The following KRT8 variants were observed in gnomAD, a reference collection of about 807,000 sequenced individuals.
The protein encoded by KRT8 is keratin 8, also known as keratin, type II cytoskeletal 8.
In KRT8, 24 loss-of-function variants were observed where a neutral mutation model predicts 43.0. The ratio of observed to expected loss-of-function variants is 0.56; its 90% CI spans 0.40 to 0.78. KRT8 has a LOEUF of 0.78. KRT8 is among the 30% of genes least tolerant of loss of function. The probability of loss-of-function intolerance (pLI) is 0.00; values close to 1 mark genes in which losing one functional copy is unlikely to be tolerated. For synonymous variants in KRT8, 214 were observed against 261.2 expected, an observed-to-expected ratio of 0.82 and a Z score of 1.74; for missense variants, 492 against 638.4, an observed-to-expected ratio of 0.77 and a Z score of 2.47.
chr12:52,931,787 T>C (rs1375619107), intron 2 of KRT8, among the ~76,000 whole-genome samples: 7 of 152,000 alleles, frequency 4.6e-5, no homozygotes, highest in African/African-American at 1.7e-4. Context: ...CTCAGCCTCC[T>C]GAGTAGCTGG....
chr12:52,925,219 G>A (rs928067359), intron 2 of KRT8, among the ~76,000 whole-genome samples: 11 of 152,186 alleles, frequency 7.2e-5, no homozygotes, highest in Admixed American at 1.3e-4. Flanking sequence ...GGTCAGGACC[G>A]GGAGGAATGC....
intron 2 of KRT8, among the ~76,000 whole-genome samples, chr12:52,920,657 G>A (rs556013598): frequency 5.3e-5 from 8 of 152,268 alleles, no homozygotes; most frequent in South Asian, 2.1e-4. Flanking sequence ...GTTGTTGACC[G>A]TCACATCCAC....
At chr12:52,936,923 A>G (rs576572916) in intron 2 of KRT8, among the ~76,000 whole-genome samples, 1 of 152,356 alleles carries the variant, frequency 6.6e-6, no homozygotes, top group Admixed American at 6.5e-5. Flanking sequence ...TAAGAGAATG[A>G]AAAGATAGCC....
At chr12:52,932,287 C>T (rs1942097299) in intron 2 of KRT8, among the ~76,000 whole-genome samples, 1 of 151,904 alleles carries the variant, frequency 6.6e-6, no homozygotes, top group Non-Finnish European at 1.5e-5. Context: ...CAGGGTTTCA[C>T]CATCTTGGCT....
chr12:52,900,866 G>A (rs528566187), intron 3 of KRT8, 183 bp from the exon 4 acceptor site: 2 of 649,898 alleles, frequency 3.1e-6, no homozygotes, highest in East Asian at 2.7e-5. Context: ...CTTCACCTCT[G>A]CTTCCTGCAA....
intron 2 of KRT8, among the ~76,000 whole-genome samples, chr12:52,942,528 T>C (rs1942283581): frequency 6.6e-6 from 1 of 152,224 alleles, no homozygotes; most frequent in Admixed American, 6.5e-5. Flanking sequence ...CTCACGCTCC[T>C]GTGCTTTCTC....
At chr12:52,936,323 G>C (rs908766339) in intron 2 of KRT8, among the ~76,000 whole-genome samples, 4 of 152,016 alleles carry the variant, frequency 2.6e-5, no homozygotes, top group Non-Finnish European at 2.9e-5. Context: ...AAGATTTCTT[G>C]TGATCATAGC....
At chr12:52,900,620 C>G (rs760484741) in exon 4 of KRT8, 1 of 1,612,806 alleles carries the variant, frequency 6.2e-7, no homozygotes, top group Non-Finnish European at 8.5e-7. Context: ...AAGTTGATCT[C>G]GTCGGTCAGC....
intron 7 of KRT8, 70 bp downstream of exon 7, chr12:52,898,391 C>A: frequency 1.5e-6 from 2 of 1,332,764 alleles, no homozygotes; most frequent in Admixed American, 3.7e-5. Context: ...TGAGCACAGC[C>A]CCCTCCCTGG....
intron 2 of KRT8, among the ~76,000 whole-genome samples, chr12:52,930,959 C>G (rs1300650948): frequency 1.3e-5 from 2 of 152,192 alleles, no homozygotes; most frequent in Admixed American, 1.3e-4. Flanking sequence ...GCAGTAATCT[C>G]CACTCTTGTC....
chr12:52,947,840 T>A (rs898916484), intron 2 of KRT8: 1 of 151,376 alleles, frequency 6.6e-6, no homozygotes, highest in Admixed American at 6.6e-5. Context: ...CATGAGCCAC[T>A]GTGCCCGGCG....
chr12:52,946,303 C>T (rs1188534131), intron 2 of KRT8, among the ~76,000 whole-genome samples: 1 of 152,160 alleles, frequency 6.6e-6, no homozygotes, highest in African/African-American at 2.4e-5. Context: ...CTTCAAACCC[C>T]TTGAGCCCGT....
intron 2 of KRT8, among the ~76,000 whole-genome samples, chr12:52,921,816 A>G (rs1024930549): frequency 4.6e-5 from 7 of 152,166 alleles, no homozygotes; most frequent in Admixed American, 2.0e-4. Context: ...TACAGAAACT[A>G]TAAAATAAGC....
chr12:52,898,416 T>C (rs1258902864), intron 7 of KRT8, 45 bp downstream of exon 7: 2 of 1,567,110 alleles, frequency 1.3e-6, no homozygotes, highest in Admixed American at 1.7e-5. Context: ...GAGGCCTCCC[T>C]GGGCCCTGCC....
intron 1 of KRT8, 58 bp downstream of exon 1, chr12:52,904,600 G>A (rs1040442665): frequency 4.7e-6 from 7 of 1,502,598 alleles, no homozygotes; most frequent in Non-Finnish European, 5.5e-6. Context: ...CATAGGGACC[G>A]GGACTACCAG....
Position 52,920,809 on chromosome 12 carries a change from A to G in KRT8, c.-46-15782T>C, listed in dbSNP as rs1292047068. 2.0e-5 allele frequency among the ~76,000 whole-genome samples: 3 copies of G among 152,320 alleles called. No homozygotes were observed. The East Asian group carries it at 5.8e-4, about 29-fold the overall frequency. ...GTAATCCCAGTACTTTGGAAGGCCAAGGGAAGATCACTTGAGGCCAGGAGT... is the reference window on the plus strand; with the variant it reads ...GTAATCCCAGTACTTTGGAAGGCCAGGGGAAGATCACTTGAGGCCAGGAGT... On this transcript the variant is annotated intron_variant, in intron 2 of 6. Transcript: ENST00000546826.
At chr12:52,926,936 C>CTGAA (rs60430117) in intron 2 of KRT8, among the ~76,000 whole-genome samples, 19,184 of 150,514 alleles carry the variant, frequency 0.13, 1,307 homozygotes, top group East Asian at 0.23. Flanking sequence ...GTTTGATTCA[C>CTGAA]TGAATGAATG....
chr12:52,901,148 G>C lies in KRT8; in HGVS notation c.594+11C>G, dbSNP rs980394607. 4.4e-6 allele frequency: 7 copies of C among 1,583,406 alleles called. No individual in the cohort carries two copies. The South Asian group carries it at 7.7e-5, about 18-fold the overall frequency. On this transcript the variant is annotated intron_variant, in intron 3 of 7. Coordinates refer to ENST00000692008, the Ensembl canonical transcript of KRT8. ...TCCAGTGTCCAGATAGGAGAAGGGA[G>C]ACTCCCTCACCTTCTTGATGAGGAC...
upstream of KRT8, among the ~76,000 whole-genome samples, chr12:52,908,947 A>G (rs1175303048): frequency 6.6e-6 from 1 of 152,212 alleles, no homozygotes; most frequent in Non-Finnish European, 1.5e-5. Context: ...TTGAGGCCGC[A>G]TGCATTGAGC....
Sources: gnomAD v4.1 joint callset for allele counts (sites outside exome capture counted in the v4.1 genomes callset) on GRCh38, gnomAD v4.1.1 for gene constraint, MANE v1.5 for transcripts, NCBI Gene and HGNC (gene_info 2026-07-23, HGNC 2026-07-21) for gene names.